The following GOLGA3 variants were observed in gnomAD, a reference collection of about 807,000 sequenced individuals.
The protein encoded by GOLGA3 is golgin A3, also known as golgin subfamily A member 3.
GOLGA3 carries 75 observed loss-of-function variants against 169.4 expected under a neutral mutation model. The observed-to-expected ratio is 0.44, with a 90% confidence interval of 0.37 to 0.54. The LOEUF (loss-of-function observed/expected upper bound fraction) is 0.54, where lower values mean the gene tolerates loss of function less well. Ranked by LOEUF, GOLGA3 falls within the 20% of genes least tolerant of loss-of-function variation. The pLI is 0.00. For synonymous variants in GOLGA3, 824 were observed against 822.4 expected (o/e 1.00, Z -0.03); for missense variants, 1,899 against 1,930.0 (o/e 0.98, Z 0.30).
Position 132,807,919 on chromosome 12 carries a change from G to A in GOLGA3, c.1150C>T (p.Arg384Trp), listed in dbSNP as rs200283212. Residue 384 changes from arginine (R) to tryptophan (W), a missense_variant, in exon 5 of 24, where the codon CGG becomes TGG. By Grantham distance (101) the Arg-to-Trp change is moderately radical. Transcript: ENST00000450791. ...DQGQEVNGEV[R>W]SRRDSICSSV... Reference sequence around the variant, plus strand: ...CTGCAGATGCTGTCTCTCCGACTCCGCACCTCCCCGTTGACCTCCTGCCCC... The same window carrying A: ...CTGCAGATGCTGTCTCTCCGACTCCACACCTCCCCGTTGACCTCCTGCCCC... The A allele has an allele frequency of 6.3e-6, 9 of 1,425,298 alleles. No individual in the cohort carries two copies. Among genetic ancestry groups the A allele is most frequent in the South Asian group, 4.5e-5 (4 of 88,450 alleles). The allele number at this position is 1,425,298 out of a possible 1,614,324, so 88.3% of individuals were successfully genotyped here.
At chr12:132,775,101 C>G in intron 22 of GOLGA3, 40 bp downstream of exon 22, 1 of 1,580,266 alleles carries the variant, frequency 6.3e-7, no homozygotes, top group Non-Finnish European at 8.6e-7. Context: ...GCATCTACAG[C>G]GCACGTCGGC....
At chr12:132,810,834 T>G (rs1047889999) in intron 4 of GOLGA3, among the ~76,000 whole-genome samples, 3 of 152,238 alleles carry the variant, frequency 2.0e-5, no homozygotes, top group Non-Finnish European at 2.9e-5. Context: ...CGCACAGTTA[T>G]CCGGAGGCCT....
At chr12:132,773,930 A>G (rs2045062803) in intron 23 of GOLGA3, among the ~76,000 whole-genome samples, 2 of 142,676 alleles carry the variant, frequency 1.4e-5, no homozygotes, top group Admixed American at 1.4e-4. Context: ...CCCTTTATAT[A>G]AACCTCAGAG....
chr12:132,783,897 C>T (rs575053318), intron 16 of GOLGA3: 111 of 1,426,714 alleles, frequency 7.8e-5, no homozygotes, highest in Non-Finnish European at 9.7e-5. Context: ...TTATTTGCAA[C>T]CAAAGCATTT....
At chr12:132,791,092 A>G (rs141049951) in intron 12 of GOLGA3, 124 bp downstream of exon 12, 24 of 322,490 alleles carry the variant, frequency 7.4e-5, no homozygotes, top group Non-Finnish European at 1.3e-4. Flanking sequence ...AAAAAATTTA[A>G]AGAGAACTCA....
At chr12:132,823,330 T>C (rs939640077) in intron 1 of GOLGA3, among the ~76,000 whole-genome samples, 2 of 152,282 alleles carry the variant, frequency 1.3e-5, no homozygotes, top group African/African-American at 2.4e-5. Flanking sequence ...GGTAAGACAC[T>C]AGCATGAGCT....
At chr12:132,785,974 G>A (rs564645847) in intron 15 of GOLGA3, among the ~76,000 whole-genome samples, 3 of 152,358 alleles carry the variant, frequency 2.0e-5, no homozygotes, top group Middle Eastern at 3.4e-3. Context: ...CAGTGAGTGC[G>A]GAGGCTGCTT....
rs767704648 is a variant in GOLGA3, at chr12:132,816,544, T to C, written c.402A>G (p.Gln134=). The C allele has an allele frequency of 1.2e-6, 2 of 1,612,398 alleles. No individual in the cohort carries two copies. ...AGCGGGGTAACGGATGCTTACACAG[T>C]TGCGTTTCTTGCATAGGAAGACTGA... is the stretch of plus-strand genomic sequence containing the variant. ...LRLSLPMQET[Q]LCSTDSPLPL... The change falls in exon 3 of 24, where the codon CAA becomes CAG. Residue 134 remains glutamine (Q), a synonymous_variant. Transcript: ENST00000450791.
chr12:132,801,913 G>A lies in GOLGA3; in HGVS notation c.1654C>T (p.Leu552=). ...ALQSQLQQVQ[L]ERTTLTSKLK... is the part of the protein sequence containing the mutation. ...TTGCTGGTCAGCGTCGTCCGCTCCA[G>A]CTGCACCTGCTGAAGCTGGCTCTGC... Residue 552 remains leucine (L), a synonymous_variant, in exon 8 of 24, where the codon CTG becomes TTG. Coordinates refer to ENST00000450791, the MANE Select transcript of GOLGA3 (RefSeq NM_001389683.1). 1 of 1,602,030 alleles carries A rather than the reference G, an allele frequency of 6.2e-7. No individual in the cohort carries two copies. The highest frequency in any genetic ancestry group is 8.5e-7 in the Non-Finnish European group (1 of 1,179,860).
Position 132,825,802 on chromosome 12 carries a change from G to A in GOLGA3, c.-184+3001C>T, listed in dbSNP as rs182761648. On this transcript the variant is annotated intron_variant, in intron 1 of 23. Transcript: ENST00000450791. ...GAGAAACTGGCAAGGAGAAGCTCCT[G>A]CGGTACTACAAGAACATTGGTCTGG... is the stretch of plus-strand genomic sequence containing the variant. 10 of 1,233,238 alleles carry A rather than the reference G, an allele frequency of 8.1e-6. No homozygotes were observed. In the African/African-American group the frequency reaches 9.0e-5, roughly 11 times the overall value. 76.4% of individuals were successfully genotyped at this position (1,233,238 alleles called of 1,614,324 possible).
chr12:132,820,235 A>G (rs1950153075), intron 2 of GOLGA3, among the ~76,000 whole-genome samples: 2 of 151,988 alleles, frequency 1.3e-5, no homozygotes, highest in Non-Finnish European at 1.5e-5. Flanking sequence ...GCTACCCCAG[A>G]GACCAAGGCA....
intron 9 of GOLGA3, among the ~76,000 whole-genome samples, 156 bp downstream of exon 9, chr12:132,798,184 G>GGT (rs1179819575): frequency 1.5e-5 from 2 of 135,666 alleles, no homozygotes; most frequent in African/African-American, 5.2e-5. Context: ...AGGGGTGGGG[G>GGT]GGGGGTCCCA....
rs142302859 is a variant in GOLGA3 at position 132,770,793 on chromosome 12, C to T, written c.*2312G>A. ...GGGATTATAGGTGCGCACTACGACA[C>T]CCGGCTAATTTTTGTATGTTTAGTA... On this transcript the variant is annotated 3_prime_UTR_variant, in exon 24 of 24. Coordinates refer to ENST00000450791, the MANE Select transcript of GOLGA3 (RefSeq NM_001389683.1). 1.3e-5 allele frequency: 2 copies of T among 152,326 alleles called. No homozygotes were observed. Among genetic ancestry groups the T allele is most frequent in the East Asian group, 1.9e-4 (1 of 5,170 alleles). The allele number at this position is 152,326 out of a possible 1,614,324, so 9.4% of individuals were successfully genotyped here. A position where few individuals can be genotyped will look rare whatever the true frequency, so the allele number is the denominator to read the frequency against.
Position 132,808,996 on chromosome 12 carries a change from G to A in GOLGA3, c.520-447C>T, listed in dbSNP as rs577314843. ...CACCAATGCGCGGAGACCGGTAGTG[G>A]CCCTGAATGTCGGGCTGCGCTGTTA... On this transcript the variant is annotated intron_variant, in intron 4 of 23. Transcript: ENST00000450791. Among the ~76,000 whole-genome samples the A allele has an allele frequency of 2.0e-5, 3 of 152,362 alleles. No homozygotes were observed. The East Asian group carries it at 5.8e-4, about 29-fold the overall frequency.
chr12:132,787,169 G>A (rs1176622053), intron 13 of GOLGA3, among the ~76,000 whole-genome samples: 6 of 152,058 alleles, frequency 3.9e-5, no homozygotes, highest in African/African-American at 1.4e-4. Flanking sequence ...GGTCAGGCTA[G>A]TCTTGAACTC....
At chr12:132,827,575 A>T (rs1163957950) in intron 1 of GOLGA3, 1 of 152,210 alleles carries the variant, frequency 6.6e-6, no homozygotes, top group Non-Finnish European at 1.5e-5. Context: ...TGCTTGTCAA[A>T]ATCGCTAAAA....
chr12:132,807,802 CG>C, intron 5 of GOLGA3, 88 bp downstream of exon 5: 1 of 177,028 alleles, frequency 5.6e-6, no homozygotes. Context: ...CCTCTGCTAC[CG>C]CCCCACCCAC....
intron 9 of GOLGA3, 25 bp from the exon 10 acceptor site, chr12:132,796,725 A>G: frequency 6.2e-7 from 1 of 1,610,174 alleles, no homozygotes; most frequent in South Asian, 1.1e-5. Flanking sequence ...CTTGTTTTTA[A>G]AAAGGCAGGA....
At position 132,777,416 on chromosome 12, in the gene GOLGA3, C is replaced by T. The variant is rs145396445; in HGVS notation, c.3722+250G>A. On this transcript the variant is annotated intron_variant, in intron 19 of 23. Transcript: ENST00000450791. The surrounding 1 kb of genome is among the most constrained non-coding windows in gnomAD (Gnocchi z 4.7). ...GCATCAGCCCCGCGCCGGGCCGCCCCTTCCCGCCTCTGACCTGAAGCTAAG... is the reference window on the plus strand; with the variant it reads ...GCATCAGCCCCGCGCCGGGCCGCCCTTTCCCGCCTCTGACCTGAAGCTAAG... 1.7e-3 allele frequency among the ~76,000 whole-genome samples: 266 copies of T among 152,284 alleles called. 1 individual carries two copies. Among genetic ancestry groups the T allele is most frequent in the African/African-American group, 6.2e-3 (257 of 41,560 alleles).
Sources: allele counts gnomAD v4.1 joint callset (sites outside exome capture counted in the v4.1 genomes callset), GRCh38; gene constraint gnomAD v4.1.1; non-coding constraint Gnocchi (gnomAD v3.1); transcripts MANE v1.5; gene names NCBI Gene and HGNC (gene_info 2026-07-23, HGNC 2026-07-21).